The following DBF4B variants were observed in gnomAD, a reference collection of about 807,000 sequenced individuals.
The protein encoded by DBF4B is protein DBF4 homolog B.
In DBF4B, 49 loss-of-function variants were observed where a neutral mutation model predicts 53.4. The observed-to-expected ratio is 0.92, with a 90% CI of 0.73 to 1.16. DBF4B has a LOEUF of 1.16. DBF4B is among the 50% of genes most tolerant of loss of function. The pLI, the probability that DBF4B is intolerant of heterozygous loss-of-function variation, is 0.00. For synonymous variants in DBF4B, 257 were observed against 288.7 expected (o/e 0.89, Z 1.11); for missense variants, 692 against 775.0 (o/e 0.89, Z 1.27).
At chr17:44,740,304 G>C (rs1195088675) in intron 9 of DBF4B, among the ~76,000 whole-genome samples, 1 of 152,220 alleles carries the variant, frequency 6.6e-6, no homozygotes, top group Admixed American at 6.5e-5. Flanking sequence ...CCCCTGGCTT[G>C]CACTGTTTCC....
intron 13 of DBF4B, chr17:44,748,707 G>C (rs1448451998): frequency 5.7e-6 from 8 of 1,406,694 alleles, no homozygotes; most frequent in Non-Finnish European, 6.6e-6. Flanking sequence ...ACAAGCGGAA[G>C]GTTCAGTTCC....
At chr17:44,741,999 C>G (rs1976083471) in intron 10 of DBF4B, among the ~76,000 whole-genome samples, 1 of 151,718 alleles carries the variant, frequency 6.6e-6, no homozygotes, top group Non-Finnish European at 1.5e-5. Context: ...GTAATCTCAG[C>G]ACTTTGAGAT....
chr17:44,730,127 TGTAAACAAA>T, intron 4 of DBF4B, 31 bp downstream of exon 4: 2 of 1,600,440 alleles, frequency 1.2e-6, no homozygotes, highest in Non-Finnish European at 1.7e-6. Flanking sequence ...AGGTATGCTG[TGTAAACAAA>T]GGAAGTAGGC....
chr17:44,718,206 C>T (rs1048421651), intron 2 of DBF4B, among the ~76,000 whole-genome samples: 3 of 151,848 alleles, frequency 2.0e-5, no homozygotes, highest in East Asian at 1.9e-4. Context: ...CCGAGGCGGG[C>T]GGATCATGAG....
intron 2 of DBF4B, among the ~76,000 whole-genome samples, chr17:44,712,296 GTCT>G (rs1167494820): frequency 3.9e-4 from 46 of 117,266 alleles, no homozygotes; most frequent in African/African-American, 1.3e-3. Context: ...TTTGAATTAT[GTCT>G]TCTTTTTTTT....
intron 10 of DBF4B, among the ~76,000 whole-genome samples, chr17:44,746,053 C>CAAAAAAAAAAA (rs61654485): frequency 9.0e-6 from 1 of 110,664 alleles, no homozygotes; most frequent in Non-Finnish European, 1.8e-5. Context: ...ACTAAAAATA[C>CAAAAAAAAAAA]AAAAAAAAAA....
At chr17:44,744,120 TA>T (rs1976375112) in intron 10 of DBF4B, among the ~76,000 whole-genome samples, 1 of 123,356 alleles carries the variant, frequency 8.1e-6, no homozygotes, top group Non-Finnish European at 1.6e-5. Context: ...TTTATATTTT[TA>T]AAAAATCTGG....
Position 44,717,679 on chromosome 17 carries a change from AGCCT to A in DBF4B, c.83-5199_83-5196del, listed in dbSNP as rs920895056. 9.5e-5 allele frequency among the ~76,000 whole-genome samples: 14 copies of A among 147,000 alleles called. No individual in the cohort carries two copies. In the Admixed American group the frequency reaches 9.6e-4, roughly 10 times the overall value. ...AGCCGAGATCGTGCCACTGCACTCT[AGCCT>A]GGGTACAAAGCAAGACCTGGTCTCA... is the stretch of plus-strand genomic sequence containing the variant. On this transcript the variant is annotated intron_variant, in intron 2 of 13. Transcript: ENST00000315005.
intron 5 of DBF4B, 117 bp downstream of exon 5, chr17:44,731,132 T>C: frequency 9.0e-7 from 1 of 1,116,706 alleles, no homozygotes; most frequent in Non-Finnish European, 1.3e-6. Flanking sequence ...CGATATGTAG[T>C]ATTGTCATTA....
intron 1 of DBF4B, 30 bp downstream of exon 1, chr17:44,708,869 G>T (rs1319688577): frequency 6.4e-7 from 1 of 1,550,464 alleles, no homozygotes; most frequent in Non-Finnish European, 8.7e-7. Flanking sequence ...GAGAAAGAAA[G>T]GCGGAAGGGG....
intron 2 of DBF4B, among the ~76,000 whole-genome samples, chr17:44,716,977 A>T (rs963885379): frequency 6.6e-6 from 1 of 152,036 alleles, no homozygotes; most frequent in Non-Finnish European, 1.5e-5. Flanking sequence ...TCTTCTTGCC[A>T]GTTTCTTTAT....
chr17:44,749,250 C>T lies in DBF4B; in HGVS notation c.1189+785C>T. 7.7e-7 allele frequency: 1 copy of T among 1,290,614 alleles called. No homozygotes were observed. The highest frequency in any genetic ancestry group is 1.0e-6 in the Non-Finnish European group (1 of 988,892). 79.9% of individuals were successfully genotyped at this position (1,290,614 alleles called of 1,614,324 possible). A position where few individuals can be genotyped will look rare whatever the true frequency, so the allele number is the denominator to read the frequency against. On this transcript the variant is annotated intron_variant, in intron 13 of 13. Transcript: ENST00000315005. The surrounding 1 kb of genome is among the most constrained non-coding windows in gnomAD (Gnocchi z 4.4). ...TCCAGGTGCCCTGTCTCCCTGTCTCCCAGCCCTGGTCCCAACCCCAGCCCC... is the reference window on the plus strand; with the variant it reads ...TCCAGGTGCCCTGTCTCCCTGTCTCTCAGCCCTGGTCCCAACCCCAGCCCC...
intron 9 of DBF4B, among the ~76,000 whole-genome samples, chr17:44,738,928 C>T (rs1309921664): frequency 6.6e-6 from 1 of 152,192 alleles, no homozygotes; most frequent in Non-Finnish European, 1.5e-5. Flanking sequence ...CGTTTTCTGG[C>T]TCATGTTACC....
At chr17:44,731,987 A>G (rs1974878108) in intron 5 of DBF4B, 191 bp from the exon 6 acceptor site, 1 of 577,414 alleles carries the variant, frequency 1.7e-6, no homozygotes, top group Admixed American at 3.0e-5. Flanking sequence ...CAATGTGGCC[A>G]TGTGGAGGAC....
Position 44,709,353 on chromosome 17 carries a change from G to A in DBF4B, c.69G>A (p.Arg23=). Residue 23 remains arginine (R), a synonymous_variant, in exon 2 of 14, where the codon CGG becomes CGA. Transcript: ENST00000315005. ...GTTCCATGGCTGAGAGTAGGCTCCGGGCCCCGGACCTAGGTGGGTAACAGG... is the reference window on the plus strand; with the variant it reads ...GTTCCATGGCTGAGAGTAGGCTCCGAGCCCCGGACCTAGGTGGGTAACAGG... ...LESSMAESRL[R]APDLGVSRCL... The A allele has an allele frequency of 4.3e-6, 7 of 1,614,148 alleles. No homozygotes were observed. Among genetic ancestry groups the A allele is most frequent in the Non-Finnish European group, 5.1e-6 (6 of 1,180,028 alleles).
chr17:44,726,329 T>TTTAC, intron 3 of DBF4B, among the ~76,000 whole-genome samples: 1 of 150,192 alleles, frequency 6.7e-6, no homozygotes, highest in Non-Finnish European at 1.5e-5. Flanking sequence ...TATTTATTTA[T>TTTAC]TTATTTTTGC....
intron 3 of DBF4B, among the ~76,000 whole-genome samples, chr17:44,728,550 G>T (rs1172350028): frequency 2.6e-5 from 4 of 152,164 alleles, no homozygotes; most frequent in African/African-American, 9.7e-5. Flanking sequence ...CAGGCACGGT[G>T]GCTCACACCT....
intron 3 of DBF4B, among the ~76,000 whole-genome samples, chr17:44,723,600 A>C (rs1333942387): frequency 6.6e-6 from 1 of 152,010 alleles, no homozygotes; most frequent in Non-Finnish European, 1.5e-5. Context: ...TCTACTAAAA[A>C]TAATGAAAAT....
chr17:44,749,672 G>C lies in DBF4B; in HGVS notation c.1190-923G>C. 8.6e-7 allele frequency: 1 copy of C among 1,166,592 alleles called. No homozygotes were observed. The highest frequency in any genetic ancestry group is 1.7e-5 in the South Asian group (1 of 57,754). The allele number at this position is 1,166,592 out of a possible 1,614,324, so 72.3% of individuals were successfully genotyped here. On this transcript the variant is annotated intron_variant, in intron 13 of 13. Coordinates refer to ENST00000315005, the MANE Select transcript of DBF4B (RefSeq NM_145663.3). This position sits in a 1 kb window ranked among gnomAD's most constrained non-coding sequence, Gnocchi z 4.4. ...TGCCCAGCTGAGGCTGGCCGCCCACGCCAGGAGGCAGAGGCGAAGTTGGCA... is the reference window on the plus strand; with the variant it reads ...TGCCCAGCTGAGGCTGGCCGCCCACCCCAGGAGGCAGAGGCGAAGTTGGCA...
Sources: allele counts gnomAD v4.1 joint callset (sites outside exome capture counted in the v4.1 genomes callset), GRCh38; gene constraint gnomAD v4.1.1; non-coding constraint Gnocchi (gnomAD v3.1); transcripts MANE v1.5; gene names NCBI Gene and HGNC (gene_info 2026-07-23, HGNC 2026-07-21).